Variants in GLRA3 observed in about 807,000 individuals in gnomAD.
GLRA3 encodes the protein glycine receptor alpha 3.
GLRA3 carries 44 observed loss-of-function variants against 60.4 expected under a neutral mutation model. That is an observed-to-expected ratio of 0.73 (90% CI 0.57 to 0.94). GLRA3 has a LOEUF of 0.94. GLRA3 is among the 40% of genes least tolerant of loss of function. The pLI is 0.00. For synonymous variants in GLRA3, 223 were observed against 192.9 expected (o/e 1.16, Z -1.29); for missense variants, 508 against 564.6 (o/e 0.90, Z 1.02).
chr4:174,768,116 A>C (rs1057472419), intron 2 of GLRA3, among the ~76,000 whole-genome samples: 1 of 152,114 alleles, frequency 6.6e-6, no homozygotes, highest in African/African-American at 2.4e-5. Flanking sequence ...CAGGCAGAAT[A>C]CTGACAAAGC....
intron 2 of GLRA3, among the ~76,000 whole-genome samples, chr4:174,784,233 C>T (rs866595335): frequency 3.8e-5 from 4 of 105,174 alleles, no homozygotes; most frequent in Admixed American, 1.0e-4. Flanking sequence ...AACCAAACAC[C>T]GCATATTCTC....
In GLRA3 at chr4:174,746,862, CA is replaced by C. The variant is rs145854858; in HGVS notation, c.268-18165del. ...TGTAAATCATTATATTAGGTTGGTG[CA>C]AAAGTAATTGTCATTACTTTTAATG... On this transcript the variant is annotated intron_variant, in intron 3 of 9. Transcript: ENST00000274093. Among the ~76,000 whole-genome samples, 1,414 of 152,188 alleles carry C rather than the reference CA, an allele frequency of 9.3e-3. 21 individuals carry two copies. Among genetic ancestry groups the C allele is most frequent in the African/African-American group, 0.032 (1,340 of 41,532 alleles).
intron 5 of GLRA3, among the ~76,000 whole-genome samples, chr4:174,694,733 A>C: frequency 6.6e-6 from 1 of 152,134 alleles, no homozygotes; most frequent in Non-Finnish European, 1.5e-5. Context: ...AATAACAAAA[A>C]TCAGAGTGGC....
At chr4:174,823,598 G>A (rs556242964) in intron 1 of GLRA3, among the ~76,000 whole-genome samples, 2 of 152,286 alleles carry the variant, frequency 1.3e-5, no homozygotes, top group Non-Finnish European at 2.9e-5. Context: ...CTGTGGAAAA[G>A]GGTAGGAGAC....
chr4:174,692,347 C>CCCGTCTGGG (rs1561059081), intron 5 of GLRA3, among the ~76,000 whole-genome samples: 4 of 146,582 alleles, frequency 2.7e-5, no homozygotes, highest in African/African-American at 1.0e-4. Context: ...GGCCAGCCGC[C>CCCGTCTGGG]ACGTCCGGGA....
chr4:174,708,479 C>T (rs2111073293), intron 5 of GLRA3, among the ~76,000 whole-genome samples: 1 of 151,366 alleles, frequency 6.6e-6, no homozygotes, highest in South Asian at 2.1e-4. Context: ...TTCAAGTTGG[C>T]CCTTAACAAT....
At chr4:174,788,074 T>C (rs1346275140) in intron 2 of GLRA3, among the ~76,000 whole-genome samples, 1 of 149,756 alleles carries the variant, frequency 6.7e-6, no homozygotes, top group Non-Finnish European at 1.5e-5. Flanking sequence ...TCTTTAACTT[T>C]GTTTATTTTC....
intron 7 of GLRA3, among the ~76,000 whole-genome samples, chr4:174,664,425 CAAAA>C (rs1487150509): frequency 6.6e-6 from 1 of 152,072 alleles, no homozygotes; most frequent in South Asian, 2.1e-4. Flanking sequence ...AACAAACAAA[CAAAA>C]AAACAACAAC....
chr4:174,815,903 C>A (rs1740481498), intron 1 of GLRA3, among the ~76,000 whole-genome samples: 1 of 152,198 alleles, frequency 6.6e-6, no homozygotes, highest in Non-Finnish European at 1.5e-5. Flanking sequence ...ATGTAAATTT[C>A]TGCAGCCAGC....
intron 1 of GLRA3, among the ~76,000 whole-genome samples, chr4:174,825,612 C>T (rs62332373): frequency 0.036 from 5,529 of 152,156 alleles, 127 homozygotes; most frequent in Non-Finnish European, 0.054. Flanking sequence ...CACTTATCTG[C>T]ATTTCAAAGA....
chr4:174,776,035 G>A (rs1738584051), intron 2 of GLRA3, among the ~76,000 whole-genome samples: 1 of 152,168 alleles, frequency 6.6e-6, no homozygotes, highest in Admixed American at 6.5e-5. Context: ...GGGGACCCCA[G>A]GGATAGGGCC....
chr4:174,692,122 C>T (rs1734849566), intron 5 of GLRA3, among the ~76,000 whole-genome samples: 1 of 151,708 alleles, frequency 6.6e-6, no homozygotes, highest in South Asian at 2.1e-4. Flanking sequence ...CTGGCAACTG[C>T]CCCGTCTGAG....
chr4:174,764,354 A>C lies in GLRA3; in HGVS notation c.267+2609T>G, dbSNP rs75539006. Among the ~76,000 whole-genome samples, 1,490 of 152,226 alleles carry C rather than the reference A, an allele frequency of 9.8e-3. 13 individuals are homozygous for C. Among genetic ancestry groups the C allele is most frequent in the African/African-American group, 0.033 (1,374 of 41,574 alleles). On this transcript the variant is annotated intron_variant, in intron 3 of 9. Transcript: ENST00000274093. ...GCCAGTAAAGACATTGAAGACAGTT[A>C]AGATTCTTGTTAAGCAGACACATAT...
At chr4:174,804,827 T>G (rs910952032) in intron 1 of GLRA3, among the ~76,000 whole-genome samples, 1 of 152,110 alleles carries the variant, frequency 6.6e-6, no homozygotes, top group African/African-American at 2.4e-5. Flanking sequence ...ACATAGGGCA[T>G]GAAAGATTGG....
chr4:174,767,892 G>T (rs978918614), intron 2 of GLRA3, among the ~76,000 whole-genome samples: 1 of 152,092 alleles, frequency 6.6e-6, no homozygotes, highest in Non-Finnish European at 1.5e-5. Flanking sequence ...AGCTGCCTAA[G>T]AACATAGAAT....
At chr4:174,700,305 C>T (rs1315590450) in intron 5 of GLRA3, among the ~76,000 whole-genome samples, 1 of 152,128 alleles carries the variant, frequency 6.6e-6, no homozygotes, top group Admixed American at 6.6e-5. Flanking sequence ...GCAAGTCTAT[C>T]AGCTCCATTT....
At position 174,645,551 on chromosome 4, in the gene GLRA3, A is replaced by T. The variant is rs114824766; in HGVS notation, c.1117-1487T>A. Reference sequence around the variant, plus strand: ...TTCTAAAAATGAGAAGATGACCAAAATTGATGCAGTAAGGTATAAAATAGT... The same window carrying T: ...TTCTAAAAATGAGAAGATGACCAAATTTGATGCAGTAAGGTATAAAATAGT... On this transcript the variant is annotated intron_variant, in intron 9 of 9. Transcript: ENST00000274093. 7.0e-3 allele frequency among the ~76,000 whole-genome samples: 1,063 copies of T among 152,274 alleles called. 14 individuals carry two copies. The highest frequency in any genetic ancestry group is 0.023 in the African/African-American group (967 of 41,556).
chr4:174,720,408 T>C (rs1475378277), intron 4 of GLRA3, among the ~76,000 whole-genome samples: 2 of 152,226 alleles, frequency 1.3e-5, no homozygotes, highest in East Asian at 3.8e-4. Flanking sequence ...GGTGCTTTAT[T>C]TAATGTATTT....
intron 1 of GLRA3, among the ~76,000 whole-genome samples, chr4:174,797,331 TC>T (rs1368071818): frequency 3.3e-5 from 5 of 152,302 alleles, no homozygotes; most frequent in African/African-American, 1.2e-4. Flanking sequence ...TTTGACTTTT[TC>T]GAATAGTCTT....
Sources: allele counts gnomAD v4.1 joint callset (sites outside exome capture counted in the v4.1 genomes callset), GRCh38; gene constraint gnomAD v4.1.1; transcripts MANE v1.5; gene names NCBI Gene and HGNC (gene_info 2026-07-23, HGNC 2026-07-21).